The following CBFA2T2 variants were observed in gnomAD, a reference collection of about 807,000 sequenced individuals.
CBFA2T2 encodes the protein protein CBFA2T2.
A neutral mutation model predicts 62.2 loss-of-function variants in CBFA2T2; 11 were observed. The ratio of observed to expected loss-of-function variants is 0.18; its 90% CI spans 0.11 to 0.29. The LOEUF (loss-of-function observed/expected upper bound fraction) is 0.29. CBFA2T2 is among the 10% of genes least tolerant of loss of function. The pLI, the probability that CBFA2T2 is intolerant of heterozygous loss-of-function variation, is 1.00. For synonymous variants in CBFA2T2, 295 were observed against 287.5 expected (o/e 1.03, Z -0.27); for missense variants, 592 against 774.1 (o/e 0.76, Z 2.79).
At chr20:33,531,107 CAA>C (rs1319508821) in intron 1 of CBFA2T2, among the ~76,000 whole-genome samples, 1 of 152,030 alleles carries the variant, frequency 6.6e-6, no homozygotes. Context: ...AACAAACAAA[CAA>C]GGCTTCTAGT....
chr20:33,491,949 C>T (rs1447750885), intron 1 of CBFA2T2, among the ~76,000 whole-genome samples: 1 of 151,724 alleles, frequency 6.6e-6, no homozygotes, highest in African/African-American at 2.4e-5. Flanking sequence ...AGTACAATAT[C>T]GGCTCACTGC....
chr20:33,546,920 G>T (rs2012588134), intron 1 of CBFA2T2, among the ~76,000 whole-genome samples: 1 of 152,170 alleles, frequency 6.6e-6, no homozygotes, highest in Non-Finnish European at 1.5e-5. Flanking sequence ...GAAATACTGT[G>T]CCAGGCTCAG....
intron 3 of CBFA2T2, among the ~76,000 whole-genome samples, chr20:33,615,418 A>G (rs184948374): frequency 3.9e-5 from 6 of 152,264 alleles, no homozygotes; most frequent in Admixed American, 6.5e-5. Flanking sequence ...AACATAAACA[A>G]TATACACCAA....
Position 33,646,922 on chromosome 20 carries a change from C to T in CBFA2T2, c.*2276C>T, listed in dbSNP as rs1195989017. 6.6e-6 allele frequency: 1 copy of T among 151,246 alleles called. No individual in the cohort carries two copies. Among genetic ancestry groups the T allele is most frequent in the Non-Finnish European group, 1.5e-5 (1 of 67,890 alleles). 9.4% of individuals were successfully genotyped at this position (151,246 alleles called of 1,614,324 possible). ...AAGTCCCTAATTTACTCTAACCAAG[C>T]ATTTTCAGTCTTACAAAGAAATCTA... is the stretch of plus-strand genomic sequence containing the variant. On this transcript the variant is annotated 3_prime_UTR_variant, in exon 11 of 11. Coordinates refer to ENST00000342704, the MANE Select transcript of CBFA2T2 (RefSeq NM_001032999.3).
chr20:33,560,776 G>A (rs886104561), intron 1 of CBFA2T2, among the ~76,000 whole-genome samples: 2 of 152,128 alleles, frequency 1.3e-5, no homozygotes, highest in Non-Finnish European at 2.9e-5. Flanking sequence ...CTTTCATGCC[G>A]AATCTGTATT....
At chr20:33,535,406 C>G (rs948442271) in intron 1 of CBFA2T2, among the ~76,000 whole-genome samples, 6 of 150,316 alleles carry the variant, frequency 4.0e-5, no homozygotes, top group Non-Finnish European at 7.4e-5. Context: ...GTAGCTGCTG[C>G]CCCTTAAGAC....
intron 8 of CBFA2T2, among the ~76,000 whole-genome samples, chr20:33,634,543 G>T (rs980238812): frequency 1.5e-4 from 23 of 151,912 alleles, no homozygotes; most frequent in African/African-American, 5.6e-4. Context: ...GTGGTGGTAT[G>T]TGCCTATAGT....
chr20:33,625,878 G>C (rs1364918441), intron 6 of CBFA2T2, among the ~76,000 whole-genome samples: 1 of 152,126 alleles, frequency 6.6e-6, no homozygotes, highest in Non-Finnish European at 1.5e-5. Flanking sequence ...TGAGGTGGGT[G>C]GATCATGAGG....
At chr20:33,524,555 G>C (rs1053530029) in intron 1 of CBFA2T2, among the ~76,000 whole-genome samples, 1 of 152,106 alleles carries the variant, frequency 6.6e-6, no homozygotes, top group African/African-American at 2.4e-5. Context: ...TGCAAACGTT[G>C]TTCTCATTTT....
chr20:33,593,966 G>T (rs765515256), intron 1 of CBFA2T2, among the ~76,000 whole-genome samples: 2 of 152,220 alleles, frequency 1.3e-5, no homozygotes, highest in East Asian at 1.9e-4. Flanking sequence ...ATGTTTTATT[G>T]TAAGAGCAAT....
At chr20:33,611,401 G>A in intron 3 of CBFA2T2, 66 bp downstream of exon 3, 1 of 1,579,342 alleles carries the variant, frequency 6.3e-7, no homozygotes, top group African/African-American at 1.3e-5. Flanking sequence ...AGCGAGCAAA[G>A]TTCTAGATAT....
At chr20:33,522,807 A>G (rs926073625) in intron 1 of CBFA2T2, among the ~76,000 whole-genome samples, 5 of 152,152 alleles carry the variant, frequency 3.3e-5, no homozygotes, top group East Asian at 1.9e-4. Context: ...TTTAGAAACA[A>G]TTATACCATT....
intron 1 of CBFA2T2, among the ~76,000 whole-genome samples, chr20:33,564,529 AAAG>A (rs1251144010): frequency 6.6e-6 from 1 of 151,700 alleles, no homozygotes; most frequent in Non-Finnish European, 1.5e-5. Context: ...TGCTGGGATT[AAAG>A]GAGTGAGCCA....
chr20:33,495,291 C>T (rs546205021), intron 1 of CBFA2T2, among the ~76,000 whole-genome samples: 1 of 148,716 alleles, frequency 6.7e-6, no homozygotes, highest in African/African-American at 2.5e-5. Context: ...CCAGCTGAGG[C>T]AGGAGAATTG....
rs80119069 is a variant in CBFA2T2 at position 33,623,101 on chromosome 20, C to G, written c.511-14C>G. The stretch of plus-strand genomic sequence containing the variant: ...TAGGGCCTAACACTGGAAAAACTGC[C>G]TCTTCCTTTCAAGGCCAACCTGCCC... On this transcript the variant is annotated splice_polypyrimidine_tract_variant and intron_variant, in intron 4 of 10. Coordinates refer to ENST00000342704, the MANE Select transcript of CBFA2T2 (RefSeq NM_001032999.3). The G allele has an allele frequency of 4.5e-4, 720 of 1,613,986 alleles. 1 individual carries two copies. The African/African-American group carries it at 8.8e-3, about 20-fold the overall frequency.
chr20:33,499,485 A>G (rs1167558057), intron 1 of CBFA2T2, among the ~76,000 whole-genome samples: 1 of 152,218 alleles, frequency 6.6e-6, no homozygotes, highest in Non-Finnish European at 1.5e-5. Context: ...TGTACATGTG[A>G]CAGACCTTGT....
intron 8 of CBFA2T2, among the ~76,000 whole-genome samples, chr20:33,630,250 G>T (rs560364697): frequency 1.3e-5 from 2 of 152,098 alleles, no homozygotes; most frequent in African/African-American, 4.8e-5. Flanking sequence ...GCCCAGCCTC[G>T]TACTTGGCGT....
intron 1 of CBFA2T2, among the ~76,000 whole-genome samples, chr20:33,594,672 GA>G (rs1221794882): frequency 2.0e-5 from 3 of 151,624 alleles, no homozygotes; most frequent in African/African-American, 4.8e-5. Context: ...CCTGTCTCCC[GA>G]AAAAAAAGTG....
chr20:33,589,286 T>C (rs973326929), intron 1 of CBFA2T2, among the ~76,000 whole-genome samples: 4 of 152,184 alleles, frequency 2.6e-5, no homozygotes, highest in African/African-American at 9.7e-5. Context: ...AGAGGGGACA[T>C]CTCCCTTTGT....
Sources: allele counts gnomAD v4.1 joint callset (sites outside exome capture counted in the v4.1 genomes callset), GRCh38; gene constraint gnomAD v4.1.1; transcripts MANE v1.5; gene names NCBI Gene and HGNC (gene_info 2026-07-23, HGNC 2026-07-21).